The following ZFPM2 variants were observed in gnomAD, a reference collection of about 807,000 sequenced individuals.
The protein encoded by ZFPM2 is zinc finger protein, FOG family member 2.
A neutral mutation model predicts 98.6 loss-of-function variants in ZFPM2; 20 were observed. The observed-to-expected ratio is 0.20, with a 90% CI of 0.14 to 0.29. The LOEUF (loss-of-function observed/expected upper bound fraction) is 0.29, where lower values mean the gene tolerates loss of function less well. Ranked by LOEUF, ZFPM2 falls within the 10% of genes least tolerant of loss-of-function variation. The pLI, the probability that ZFPM2 is intolerant of heterozygous loss-of-function variation, is 1.00. For synonymous variants in ZFPM2, 518 were observed against 502.7 expected (o/e 1.03, Z -0.41); for missense variants, 1,310 against 1,388.6 (o/e 0.94, Z 0.90).
intron 3 of ZFPM2, among the ~76,000 whole-genome samples, chr8:105,542,084 A>G (rs1586448962): frequency 6.6e-6 from 1 of 152,178 alleles, no homozygotes; most frequent in South Asian, 2.1e-4. Flanking sequence ...CCAAAGAGGG[A>G]ATACTTTATT....
intron 2 of ZFPM2, among the ~76,000 whole-genome samples, chr8:105,439,995 T>C (rs1465345234): frequency 6.6e-6 from 1 of 152,206 alleles, no homozygotes; most frequent in African/African-American, 2.4e-5. Context: ...CAGGTATCCC[T>C]AGTGGCACTC....
At chr8:105,724,760 T>C (rs1811764843) in intron 5 of ZFPM2, among the ~76,000 whole-genome samples, 1 of 151,890 alleles carries the variant, frequency 6.6e-6, no homozygotes, top group South Asian at 2.1e-4. Context: ...ATTTTAACTT[T>C]TTGTAGTAGA....
rs374720145 is a variant in ZFPM2 at position 105,802,606 on chromosome 8, C to T, written c.2524C>T (p.Arg842Trp). Residue 842 changes from arginine to tryptophan, a missense_variant, in exon 8 of 8, where the codon CGG becomes TGG. Transcript: ENST00000407775. ...CAAAAAGTGTTTATCTCAGTCTGAG[C>T]GGACGACCACGTCTCCCAAAAGGCT... ...LSKKCLSQSE[R>W]TTTSPKRLLD... 4.3e-6 allele frequency: 7 copies of T among 1,609,634 alleles called. No homozygotes were observed. Among genetic ancestry groups the T allele is most frequent in the African/African-American group, 2.7e-5 (2 of 74,822 alleles).
intron 3 of ZFPM2, among the ~76,000 whole-genome samples, chr8:105,507,896 G>A (rs1435616069): frequency 2.6e-5 from 4 of 152,094 alleles, no homozygotes; most frequent in Non-Finnish European, 5.9e-5. Context: ...TTAGGCTGAT[G>A]GCAGTCTTTC....
intron 4 of ZFPM2, among the ~76,000 whole-genome samples, chr8:105,599,871 A>T (rs1816055575): frequency 6.6e-6 from 1 of 152,098 alleles, no homozygotes; most frequent in Non-Finnish European, 1.5e-5. Context: ...ATGAATGTGC[A>T]CTTTAAAAAA....
At chr8:105,485,830 T>G (rs975110052) in intron 3 of ZFPM2, among the ~76,000 whole-genome samples, 5 of 152,124 alleles carry the variant, frequency 3.3e-5, no homozygotes, top group African/African-American at 7.2e-5. Flanking sequence ...ACAAGGAGAC[T>G]GAAAAGGGAC....
intron 3 of ZFPM2, among the ~76,000 whole-genome samples, chr8:105,544,147 A>G (rs576684357): frequency 1.6e-3 from 244 of 152,290 alleles, no homozygotes; most frequent in African/African-American, 5.7e-3. Flanking sequence ...AAAATAAAAT[A>G]TTACAAAATA....
At chr8:105,329,313 A>G (rs1204114556) in intron 1 of ZFPM2, among the ~76,000 whole-genome samples, 1 of 151,856 alleles carries the variant, frequency 6.6e-6, no homozygotes, top group African/African-American at 2.4e-5. Context: ...AAGGTGGGAC[A>G]TTATTAATAT....
intron 2 of ZFPM2, among the ~76,000 whole-genome samples, chr8:105,425,668 A>G (rs1811893138): frequency 6.6e-6 from 1 of 152,028 alleles, no homozygotes; most frequent in African/African-American, 2.4e-5. Context: ...TGGTTCCTGT[A>G]GTTTTGTGGC....
intron 3 of ZFPM2, among the ~76,000 whole-genome samples, chr8:105,556,687 TC>T (rs1814999475): frequency 8.1e-6 from 1 of 123,330 alleles, no homozygotes; most frequent in African/African-American, 3.1e-5. Flanking sequence ...CCTTCCCTTT[TC>T]CCCCTTCCCC....
chr8:105,793,296 C>G (rs1813682655), intron 6 of ZFPM2, among the ~76,000 whole-genome samples: 1 of 151,982 alleles, frequency 6.6e-6, no homozygotes, highest in Non-Finnish European at 1.5e-5. Flanking sequence ...GACAAAATCT[C>G]TCAGCATTTG....
intron 5 of ZFPM2, among the ~76,000 whole-genome samples, chr8:105,641,722 T>C (rs1816951957): frequency 6.6e-6 from 1 of 152,138 alleles, no homozygotes; most frequent in Non-Finnish European, 1.5e-5. Context: ...TTATTGTCTT[T>C]AGTTATTACT....
At chr8:105,673,079 A>G (rs1237369924) in intron 5 of ZFPM2, among the ~76,000 whole-genome samples, 1 of 152,052 alleles carries the variant, frequency 6.6e-6, no homozygotes, top group African/African-American at 2.4e-5. Context: ...TCACAGAACA[A>G]CTAAGGGAGA....
intron 1 of ZFPM2, among the ~76,000 whole-genome samples, chr8:105,385,683 T>G (rs182974825): frequency 1.5e-4 from 23 of 152,342 alleles, no homozygotes; most frequent in African/African-American, 5.5e-4. Flanking sequence ...TACATCACTC[T>G]TAGATCTCTC....
intron 3 of ZFPM2, among the ~76,000 whole-genome samples, chr8:105,505,369 A>G (rs1046844631): frequency 3.9e-5 from 6 of 152,146 alleles, no homozygotes; most frequent in East Asian, 1.9e-4. Flanking sequence ...TTTGAGTCAC[A>G]TTGATTTAGG....
chr8:105,647,119 C>T (rs1817063494), intron 5 of ZFPM2, among the ~76,000 whole-genome samples: 1 of 152,142 alleles, frequency 6.6e-6, no homozygotes, highest in Admixed American at 6.6e-5. Flanking sequence ...ACGAAATCTG[C>T]CTGCTTCTTG....
intron 3 of ZFPM2, among the ~76,000 whole-genome samples, chr8:105,456,163 TGTTTG>T (rs1563667661): frequency 8.9e-5 from 13 of 145,682 alleles, no homozygotes; most frequent in Non-Finnish European, 1.7e-4. Context: ...TTTGTTTGTT[TGTTTG>T]TTTTTTTTTT....
chr8:105,735,080 A>G (rs1304025436), intron 5 of ZFPM2, among the ~76,000 whole-genome samples: 5 of 148,034 alleles, frequency 3.4e-5, no homozygotes, highest in African/African-American at 4.9e-5. Context: ...CTTTGCACCA[A>G]CCTAATATAT....
At chr8:105,418,832 C>T in intron 1 of ZFPM2, 1 of 540,650 alleles carries the variant, frequency 1.8e-6, no homozygotes, top group Non-Finnish European at 3.6e-6. Flanking sequence ...ACATAAAGTG[C>T]ACAGTTTTGC....
Sources: gnomAD v4.1 joint callset for allele counts (sites outside exome capture counted in the v4.1 genomes callset) on GRCh38, gnomAD v4.1.1 for gene constraint, MANE v1.5 for transcripts, NCBI Gene and HGNC (gene_info 2026-07-23, HGNC 2026-07-21) for gene names.